Variants in MBTD1 observed in about 807,000 individuals in gnomAD.
The protein encoded by MBTD1 is MBT domain-containing protein 1.
Under a neutral mutation model 87.8 loss-of-function variants are expected in MBTD1, and 24 were observed. The ratio of observed to expected loss-of-function variants is 0.27; its 90% CI spans 0.20 to 0.38. The LOEUF is 0.38. Ranked by LOEUF, MBTD1 falls within the 10% of genes least tolerant of loss-of-function variation. The probability of loss-of-function intolerance (pLI) is 1.00; values close to 1 mark genes in which losing one functional copy is unlikely to be tolerated. For missense variants in MBTD1, 436 were observed against 760.2 expected, an observed-to-expected ratio of 0.57 and a Z score of 5.02; for synonymous variants, 237 against 248.6, an observed-to-expected ratio of 0.95 and a Z score of 0.44.
intron 2 of MBTD1, among the ~76,000 whole-genome samples, chr17:51,231,842 A>G (rs552706360): frequency 1.8e-4 from 27 of 151,812 alleles, no homozygotes; most frequent in African/African-American, 6.0e-4. Flanking sequence ...CCTTGCAAAC[A>G]CTACAGTGAC....
In MBTD1 at chr17:51,178,665, CA is replaced by C. The variant is rs1441756872; in HGVS notation, c.*1910del. 6.6e-6 allele frequency: 1 copy of C among 152,048 alleles called. No homozygotes were observed. The highest frequency in any genetic ancestry group is 1.5e-5 in the Non-Finnish European group (1 of 68,006). 9.4% of individuals were successfully genotyped at this position (152,048 alleles called of 1,614,324 possible). On this transcript the variant is annotated 3_prime_UTR_variant, in exon 17 of 17. Coordinates refer to ENST00000586178, the MANE Select transcript of MBTD1 (RefSeq NM_017643.3). The stretch of plus-strand genomic sequence containing the variant: ...GCTTTAAGTTTACAAGAAGATTTTT[CA>C]AAGTTAAAGATATGGGAAGTGTGAG...
intron 16 of MBTD1, among the ~76,000 whole-genome samples, chr17:51,182,678 A>G (rs1246830073): frequency 6.6e-6 from 1 of 152,196 alleles, no homozygotes; most frequent in East Asian, 1.9e-4. Context: ...CCCTGCAGGC[A>G]TCTGGCTCCA....
intron 12 of MBTD1, 41 bp from the exon 13 acceptor site, chr17:51,195,402 C>T: frequency 6.9e-7 from 1 of 1,459,542 alleles, no homozygotes. Flanking sequence ...AAATTAGATA[C>T]CACTATTATA....
At chr17:51,254,831 C>T (rs2054990462) in intron 2 of MBTD1, among the ~76,000 whole-genome samples, 1 of 152,102 alleles carries the variant, frequency 6.6e-6, no homozygotes, top group Non-Finnish European at 1.5e-5. Context: ...AATAAGATGA[C>T]CATATCAAAA....
chr17:51,198,168 C>T (rs142900763), intron 12 of MBTD1, among the ~76,000 whole-genome samples: 1 of 152,196 alleles, frequency 6.6e-6, no homozygotes, highest in African/African-American at 2.4e-5. Context: ...TTCCACAACT[C>T]CACCTCAACT....
chr17:51,257,154 G>C (rs756346333), intron 2 of MBTD1, among the ~76,000 whole-genome samples: 2 of 152,194 alleles, frequency 1.3e-5, no homozygotes, highest in African/African-American at 4.8e-5. Context: ...GTGGTGTTAG[G>C]AGAAATATCT....
In MBTD1 at chr17:51,259,309, A is replaced by G. The variant is rs916993666; in HGVS notation, c.-112-103T>C. The G allele has an allele frequency of 5.0e-6, 6 of 1,209,282 alleles. No homozygotes were observed. The African/African-American group carries it at 9.4e-5, about 19-fold the overall frequency. The allele number at this position is 1,209,282 out of a possible 1,614,324, so 74.9% of individuals were successfully genotyped here. A position where few individuals can be genotyped will look rare whatever the true frequency, so the allele number is the denominator to read the frequency against. On this transcript the variant is annotated intron_variant, in intron 1 of 16. Coordinates refer to ENST00000586178, the MANE Select transcript of MBTD1 (RefSeq NM_017643.3). ...TATGCAGCCTTGGAGGCTGCTTCCC[A>G]AACACCACTCCCACCTCTCCCGCAC...
chr17:51,259,141 A>T lies in MBTD1; in HGVS notation c.-49+2T>A. 1.6e-6 allele frequency: 1 copy of T among 612,532 alleles called. No homozygotes were observed. The highest frequency in any genetic ancestry group is 2.4e-6 in the Non-Finnish European group (1 of 421,706). 37.9% of individuals were successfully genotyped at this position (612,532 alleles called of 1,614,324 possible). A position where few individuals can be genotyped will look rare whatever the true frequency, so the allele number is the denominator to read the frequency against. ...GGTGTAAGCAGGGTTCAGACTACCT[A>T]CCACTTGTCAGAGAGGCTGCAGAGG... On this transcript the variant is annotated splice_donor_variant, in intron 2 of 16. Transcript: ENST00000586178. LOFTEE classifies it low-confidence loss of function (5UTR_SPLICE).
At chr17:51,260,539 C>T, upstream of MBTD1, 1 of 1,569,644 alleles carries the variant, frequency 6.4e-7, no homozygotes, top group Non-Finnish European at 8.6e-7. Context: ...GGCGCATGCG[C>T]AGCGAGGTTC....
At chr17:51,255,206 G>A (rs1286673146) in intron 2 of MBTD1, among the ~76,000 whole-genome samples, 3 of 152,046 alleles carry the variant, frequency 2.0e-5, no homozygotes, top group East Asian at 1.9e-4. Flanking sequence ...ACTTGAACCC[G>A]GGAGGCGGAG....
intron 5 of MBTD1, among the ~76,000 whole-genome samples, chr17:51,217,812 T>G (rs2052656277): frequency 6.6e-6 from 1 of 152,204 alleles, no homozygotes; most frequent in South Asian, 2.1e-4. Context: ...TTTCACCATA[T>G]TGGCCAGGCT....
chr17:51,253,788 T>A (rs946988376), intron 2 of MBTD1, among the ~76,000 whole-genome samples: 2 of 152,178 alleles, frequency 1.3e-5, no homozygotes, highest in Non-Finnish European at 2.9e-5. Flanking sequence ...ACTGTAACTG[T>A]CACTTAGGTA....
chr17:51,233,631 AAG>A (rs1234511955), intron 2 of MBTD1, among the ~76,000 whole-genome samples: 42 of 152,238 alleles, frequency 2.8e-4, no homozygotes, highest in Non-Finnish European at 6.0e-4. Context: ...ATATTCAAGA[AAG>A]AGAAAACAGA....
At position 51,245,609 on chromosome 17, in the gene MBTD1, T is replaced by A. The variant is rs572534141; in HGVS notation, c.-49+13534A>T. On this transcript the variant is annotated intron_variant, in intron 2 of 16. Coordinates refer to ENST00000586178, the MANE Select transcript of MBTD1 (RefSeq NM_017643.3). ...TGGCTATCTAGTTGCGCCAACATCC[T>A]TTATCAAAATGTCCATCTTTATCTC... Among the ~76,000 whole-genome samples, 6 of 152,092 alleles carry A rather than the reference T, an allele frequency of 3.9e-5. No homozygotes were observed. In the South Asian group the frequency reaches 1.2e-3, roughly 32 times the overall value.
At chr17:51,242,856 C>G (rs752104574) in intron 2 of MBTD1, among the ~76,000 whole-genome samples, 8 of 152,168 alleles carry the variant, frequency 5.3e-5, no homozygotes, top group Non-Finnish European at 7.4e-5. Context: ...CTATATTCCT[C>G]TCTCCTGTGT....
chr17:51,207,327 T>G (rs2051901898), intron 6 of MBTD1, among the ~76,000 whole-genome samples: 1 of 152,220 alleles, frequency 6.6e-6, no homozygotes, highest in African/African-American at 2.4e-5. Flanking sequence ...ATTTAAGAAA[T>G]TTTTAATATG....
At position 51,259,874 on chromosome 17, in the gene MBTD1, G is replaced by T. The variant is rs896622210; in HGVS notation, c.-152C>A. ...TTTCCATCAGGGCCTCATGGGTAGG[G>T]GTTGTCCGTGCTCCCCGAGCCCGCG... On this transcript the variant is annotated 5_prime_UTR_variant, in exon 1 of 17. Coordinates refer to ENST00000586178, the MANE Select transcript of MBTD1 (RefSeq NM_017643.3). 2 of 1,231,938 alleles carry T rather than the reference G, an allele frequency of 1.6e-6. No individual in the cohort carries two copies. Among genetic ancestry groups the T allele is most frequent in the East Asian group, 3.2e-5 (1 of 31,642 alleles). 76.3% of individuals were successfully genotyped at this position (1,231,938 alleles called of 1,614,324 possible). A position where few individuals can be genotyped will look rare whatever the true frequency, so the allele number is the denominator to read the frequency against.
At chr17:51,219,387 G>A (rs1448654721) in intron 4 of MBTD1, among the ~76,000 whole-genome samples, 2 of 152,172 alleles carry the variant, frequency 1.3e-5, no homozygotes, top group South Asian at 4.1e-4. Context: ...ATTTACTCAT[G>A]CAGGTTGCCA....
Position 51,202,688 on chromosome 17 carries a change from G to A in MBTD1, c.1063+13C>T. The A allele has an allele frequency of 6.3e-7, 1 of 1,592,656 alleles. No homozygotes were observed. The highest frequency in any genetic ancestry group is 8.6e-7 in the Non-Finnish European group (1 of 1,160,436). ...TGATGCTTTTGACAGGAGTTCTTGT[G>A]ATAGGTGCTTACCAGATCTTTTGAA... is the stretch of plus-strand genomic sequence containing the variant. On this transcript the variant is annotated intron_variant, in intron 10 of 16. Transcript: ENST00000586178.
Sources: gnomAD v4.1 joint callset for allele counts (sites outside exome capture counted in the v4.1 genomes callset) on GRCh38, gnomAD v4.1.1 for gene constraint, MANE v1.5 for transcripts, NCBI Gene and HGNC (gene_info 2026-07-23, HGNC 2026-07-21) for gene names.